The following AKAP17A variants were observed in gnomAD, a reference collection of about 807,000 sequenced individuals.
The protein encoded by AKAP17A is A-kinase anchoring protein 17A.
A neutral mutation model predicts 52.2 loss-of-function variants in AKAP17A; 15 were observed. The observed-to-expected ratio is 0.29, with a 90% confidence interval of 0.19 to 0.44. AKAP17A has a LOEUF of 0.44. AKAP17A is among the 20% of genes least tolerant of loss of function. The probability of loss-of-function intolerance (pLI) is 1.00; values close to 1 mark genes in which losing one functional copy is unlikely to be tolerated. For missense variants in AKAP17A, 1,060 were observed against 1,007.0 expected (o/e 1.05, Z -0.71); for synonymous variants, 514 against 424.7 (o/e 1.21, Z -2.58).
At chrX:1,597,689 A>T (rs1248644497) in intron 3 of AKAP17A, among the ~76,000 whole-genome samples, 1 of 151,836 alleles carries the variant, frequency 6.6e-6, no homozygotes, top group Non-Finnish European at 1.5e-5. Context: ...AACATTTCAG[A>T]AAGCAGCTTG....
intron 4 of AKAP17A, chrX:1,600,253 C>A: frequency 8.0e-7 from 1 of 1,254,484 alleles, no homozygotes; most frequent in Non-Finnish European, 1.1e-6. Context: ...GCTCGCCCCG[C>A]AGCTACGGCG....
At chrX:1,595,749 ATC>A (rs1425563671) in intron 3 of AKAP17A, among the ~76,000 whole-genome samples, 1 of 151,030 alleles carries the variant, frequency 6.6e-6, no homozygotes, top group African/African-American at 2.4e-5. Context: ...GTGCCTGAGC[ATC>A]TGTGTGCACG....
Position 1,600,936 on chromosome X carries a change from G to A in AKAP17A, c.1430G>A (p.Gly477Asp), listed in dbSNP as rs1330293768. The A allele has an allele frequency of 1.3e-6, 2 of 1,578,454 alleles. No individual in the cohort carries two copies. The highest frequency in any genetic ancestry group is 1.7e-6 in the Non-Finnish European group (2 of 1,165,356). The part of the protein sequence containing the change: ...VLDILQTVSS[G>D]CVSATTLHPL... ...GACATCCTGCAGACCGTGTCGTCCG[G>A]CTGTGTGAGCGCCACCACGCTGCAC... The change falls in exon 5 of 5, where the codon GGC becomes GAC. Residue 477 changes from glycine (G) to aspartate (D), a missense_variant. Around this residue, in one of 2 missense-constraint regions of AKAP17A, gnomAD observed 793 missense variants for 629.9 expected, o/e 1.26. Coordinates refer to ENST00000313871, the MANE Select transcript of AKAP17A (RefSeq NM_005088.3).
At chrX:1,596,298 A>T (rs1248941397) in intron 3 of AKAP17A, among the ~76,000 whole-genome samples, 1 of 151,932 alleles carries the variant, frequency 6.6e-6, no homozygotes, top group Non-Finnish European at 1.5e-5. Flanking sequence ...CCTTTAAAGC[A>T]ATTGCCTGGG....
At chrX:1,596,049 C>T (rs1261165969) in intron 3 of AKAP17A, among the ~76,000 whole-genome samples, 2 of 152,018 alleles carry the variant, frequency 1.3e-5, no homozygotes, top group African/African-American at 2.4e-5. Flanking sequence ...TGGTCTGACA[C>T]GATCTCTGCC....
At chrX:1,599,844 C>G in intron 4 of AKAP17A, 1 of 595,412 alleles carries the variant, frequency 1.7e-6, no homozygotes, top group Non-Finnish European at 3.0e-6. Flanking sequence ...GCAAGGTGGG[C>G]TGGGGGGAGG....
chrX:1,593,696 C>T lies in AKAP17A; in HGVS notation c.234C>T (p.Arg78=). ...RISKSTMDFI[R]FEGEVENKSL... Reference sequence around the variant, plus strand: ...CCAAGAGCACCATGGACTTCATCCGCTTCGAGGGGGAGGTGGAGAACAAGA... The same window carrying T: ...CCAAGAGCACCATGGACTTCATCCGTTTCGAGGGGGAGGTGGAGAACAAGA... Residue 78 remains arginine (R), a synonymous_variant, in exon 2 of 5, where the codon CGC becomes CGT. Coordinates refer to ENST00000313871, the MANE Select transcript of AKAP17A (RefSeq NM_005088.3). 6.2e-7 allele frequency: 1 copy of T among 1,613,970 alleles called. No homozygotes were observed. The highest frequency in any genetic ancestry group is 8.5e-7 in the Non-Finnish European group (1 of 1,179,872).
At chrX:1,599,473 G>A (rs747699543) in intron 4 of AKAP17A, 41 bp downstream of exon 4, 1 of 1,551,894 alleles carries the variant, frequency 6.4e-7, no homozygotes, top group Non-Finnish European at 8.7e-7. Flanking sequence ...CCGCGCCCGG[G>A]CTGCCCTCAG....
chrX:1,597,778 A>G (rs758050369), intron 3 of AKAP17A, among the ~76,000 whole-genome samples: 91 of 152,094 alleles, frequency 6.0e-4, no homozygotes, highest in Non-Finnish European at 1.6e-4. Flanking sequence ...GTGTCTCTGC[A>G]GGGAAGGGAC....
Position 1,601,627 on chromosome X carries a change from G to A in AKAP17A, c.*33G>A. On this transcript the variant is annotated 3_prime_UTR_variant, in exon 5 of 5. Transcript: ENST00000313871. ...CACGGCCTCCCCACGGCCTGTCCGG[G>A]AAAGACCAGGACCTGCTCGAGCCTC... 2 of 1,397,364 alleles carry A rather than the reference G, an allele frequency of 1.4e-6. No homozygotes were observed. The highest frequency in any genetic ancestry group is 5.5e-5 in the East Asian group (2 of 36,388). The allele number at this position is 1,397,364 out of a possible 1,614,324, so 86.6% of individuals were successfully genotyped here. A position where few individuals can be genotyped will look rare whatever the true frequency, so the allele number is the denominator to read the frequency against.
chrX:1,599,483 G>C, intron 4 of AKAP17A, 51 bp downstream of exon 4: 6 of 1,551,404 alleles, frequency 3.9e-6, no homozygotes, highest in African/African-American at 1.4e-5. Flanking sequence ...GCTGCCCTCA[G>C]TGCCCTCCCC....
intron 3 of AKAP17A, among the ~76,000 whole-genome samples, 186 bp from the exon 4 acceptor site, chrX:1,599,006 C>T (rs1437552216): frequency 3.3e-5 from 5 of 152,196 alleles, no homozygotes; most frequent in African/African-American, 4.8e-5. Flanking sequence ...CGGAGGTCCT[C>T]GCCCGGCTCA....
intron 4 of AKAP17A, chrX:1,600,187 C>T: frequency 7.6e-7 from 1 of 1,308,406 alleles, no homozygotes; most frequent in South Asian, 1.2e-5. Flanking sequence ...AGACATGTGG[C>T]AGCCCAGTCC....
rs1255531931 is a variant in AKAP17A, at chrX:1,601,254, C to G, written c.1748C>G (p.Pro583Arg). The change falls in exon 5 of 5, where the codon CCC becomes CGC. Residue 583 changes from proline (P) to arginine (R), a missense_variant. Physicochemically the swap from Pro to Arg is moderately radical, Grantham distance 103. Around this residue, in one of 2 missense-constraint regions of AKAP17A, gnomAD observed 793 missense variants for 629.9 expected, o/e 1.26. Transcript: ENST00000313871. ...RSEQDKCNRE[P>R]SKGRGRATGD... is the part of the protein sequence containing the mutation. ...GAACAGGACAAGTGCAACCGGGAGC[C>G]CAGCAAGGGCCGGGGCCGGGCCACC... The G allele has an allele frequency of 6.2e-7, 1 of 1,613,536 alleles. No individual in the cohort carries two copies. The highest frequency in any genetic ancestry group is 1.7e-5 in the Admixed American group (1 of 60,012).
At chrX:1,595,682 A>G in intron 3 of AKAP17A, 150 bp downstream of exon 3, 1 of 1,275,764 alleles carries the variant, frequency 7.8e-7, no homozygotes, top group Non-Finnish European at 1.1e-6. Context: ...GCATGGACGC[A>G]CGTGTGCCTG....
rs1378144420 is a variant in AKAP17A at position 1,602,244 on chromosome X, G to A, written c.*650G>A. On this transcript the variant is annotated 3_prime_UTR_variant, in exon 5 of 5. Transcript: ENST00000313871. ...TTCAAAAACATTCACTTTTTACAAC[G>A]TCAAGGAATTAAGCATAAAAAAGAT... The A allele has an allele frequency of 4.6e-5, 7 of 152,130 alleles. No homozygotes were observed. The highest frequency in any genetic ancestry group is 9.7e-5 in the African/African-American group (4 of 41,416). The allele number at this position is 152,130 out of a possible 1,614,324, so 9.4% of individuals were successfully genotyped here.
chrX:1,594,974 G>A (rs1405318339), intron 2 of AKAP17A, among the ~76,000 whole-genome samples: 1 of 152,208 alleles, frequency 6.6e-6, no homozygotes, highest in Non-Finnish European at 1.5e-5. Flanking sequence ...GCCTCCTGGA[G>A]GGGGTTTTGT....
intron 4 of AKAP17A, chrX:1,600,341 C>G: frequency 1.5e-6 from 1 of 689,496 alleles, no homozygotes; most frequent in Non-Finnish European, 2.4e-6. Context: ...CGCCTGTGTG[C>G]AACGTGGTGG....
At position 1,601,145 on chromosome X, in the gene AKAP17A, C is replaced by T. The variant is rs1477756005; in HGVS notation, c.1639C>T (p.Leu547Phe). Residue 547 changes from leucine to phenylalanine, a missense_variant, in exon 5 of 5, where the codon CTC becomes TTC. Leu to Phe is a conservative substitution (Grantham distance 22, BLOSUM62 0). Around this residue, in one of 2 missense-constraint regions of AKAP17A, gnomAD observed 793 missense variants for 629.9 expected, o/e 1.26. Transcript: ENST00000313871. ...AGAGAAGAGGTGCCCGGGCGGCGTC[C>T]TCTCCTGCATTCCTGACAACAACCA... ...SPEKRCPGGV[L>F]SCIPDNNQQP... 3.1e-6 allele frequency: 5 copies of T among 1,613,710 alleles called. No individual in the cohort carries two copies. Among genetic ancestry groups the T allele is most frequent in the Non-Finnish European group, 4.2e-6 (5 of 1,179,738 alleles).
Sources: allele counts gnomAD v4.1 joint callset (sites outside exome capture counted in the v4.1 genomes callset), GRCh38; gene constraint gnomAD v4.1.1; regional missense constraint gnomAD v4.1.1; transcripts MANE v1.5; gene names NCBI Gene and HGNC (gene_info 2026-07-23, HGNC 2026-07-21).